FSD2: variants seen among roughly 807,000 people sequenced by gnomAD.
FSD2 encodes fibronectin type III and SPRY domain containing 2, also known as fibronectin type III and SPRY domain-containing protein 2.
A neutral mutation model predicts 80.4 loss-of-function variants in FSD2; 71 were observed. The ratio of observed to expected loss-of-function variants is 0.88; its 90% CI spans 0.73 to 1.08. The LOEUF (loss-of-function observed/expected upper bound fraction) is 1.08. Among genes scored for constraint, FSD2 ranks in the 50% least tolerant of loss-of-function variants. The probability of loss-of-function intolerance (pLI) is 0.00; values close to 1 mark genes in which losing one functional copy is unlikely to be tolerated. For synonymous variants in FSD2, 361 were observed against 329.5 expected (o/e 1.10, Z -1.03); for missense variants, 923 against 913.8 (o/e 1.01, Z -0.13).
intron 3 of FSD2, among the ~76,000 whole-genome samples, chr15:82,786,157 G>A (rs1336493012): frequency 6.6e-6 from 1 of 152,176 alleles, no homozygotes; most frequent in Non-Finnish European, 1.5e-5. Context: ...AGCCAGTGAA[G>A]GAGAGGGATT....
chr15:82,785,381 G>A (rs1391494963), intron 3 of FSD2, among the ~76,000 whole-genome samples: 1 of 152,020 alleles, frequency 6.6e-6, no homozygotes, highest in Admixed American at 6.6e-5. Context: ...TTGGAGTGCA[G>A]TGGTGTGATC....
Position 82,757,456 on chromosome 15 carries a change from C to G in FSD2, c.*1892G>C, listed in dbSNP as rs1315360782. On this transcript the variant is annotated 3_prime_UTR_variant, in exon 13 of 13. Transcript: ENST00000334574. ...ACGCCATTCTCCTGCCTCAGCCTCC[C>G]GAGTAGCTGGGACTACAGGCGCCCG... 1 of 150,776 alleles carries G rather than the reference C, an allele frequency of 6.6e-6. No individual in the cohort carries two copies. Among genetic ancestry groups the G allele is most frequent in the Non-Finnish European group, 1.5e-5 (1 of 67,692 alleles). 9.3% of individuals were successfully genotyped at this position (150,776 alleles called of 1,614,324 possible).
chr15:82,768,260 A>T (rs1596232874), intron 9 of FSD2, among the ~76,000 whole-genome samples: 1 of 152,168 alleles, frequency 6.6e-6, no homozygotes, highest in Non-Finnish European at 1.5e-5. Context: ...TTCCTCCAGC[A>T]GCTCACTCCT....
At chr15:82,796,866 A>C (rs1365781067) in intron 1 of FSD2, among the ~76,000 whole-genome samples, 1 of 152,178 alleles carries the variant, frequency 6.6e-6, no homozygotes, top group East Asian at 1.9e-4. Flanking sequence ...AATCTTTCCC[A>C]GAGCTGCTCT....
rs149986626 is a variant in FSD2 at position 82,798,873 on chromosome 15, G to GTTTTTTT, written c.-79+7092_-79+7093insAAAAAAA. On this transcript the variant is annotated intron_variant, in intron 1 of 12. Coordinates refer to ENST00000334574, the MANE Select transcript of FSD2 (RefSeq NM_001007122.4). ...AAGTTTTCTTTCCACTATCTCCACT[G>GTTTTTTT]TTTTGTTTTTTTTTTTTTTTTTGAG... Among the ~76,000 whole-genome samples, 17 of 111,456 alleles carry GTTTTTTT rather than the reference G, an allele frequency of 1.5e-4. 2 individuals carry two copies. Among genetic ancestry groups the GTTTTTTT allele is most frequent in the African/African-American group, 2.2e-4 (6 of 27,318 alleles). The allele number at this position is 111,456 out of a possible 152,430, so 73.1% of individuals were successfully genotyped here.
At chr15:82,761,313 G>A (rs574878461) in intron 12 of FSD2, among the ~76,000 whole-genome samples, 1 of 152,258 alleles carries the variant, frequency 6.6e-6, no homozygotes, top group African/African-American at 2.4e-5. Context: ...GGCCTTCTAA[G>A]TCTGAAAGTG....
At chr15:82,779,950 A>G (rs1255273430) in intron 5 of FSD2, among the ~76,000 whole-genome samples, 1 of 151,988 alleles carries the variant, frequency 6.6e-6, no homozygotes, top group African/African-American at 2.4e-5. Context: ...TGTTGGGGGT[A>G]CTCCACAGAT....
chr15:82,769,791 G>A lies in FSD2; in HGVS notation c.1361C>T (p.Ala454Val). The change falls in exon 8 of 13, where the codon GCT (alanine) becomes GTT (valine). Residue 454 changes from alanine (A) to valine (V), a missense_variant. Coordinates refer to ENST00000334574, the MANE Select transcript of FSD2 (RefSeq NM_001007122.4). ...YEFWVTAHNRAGPSPSSERAV... is the reference protein window; with the variant it reads ...YEFWVTAHNRVGPSPSSERAV... ...ACGCTCGCTAGAGGGGCTGGGGCCAGCCCTGTTGTGAGCTGTGACCCAAAA... is the reference window on the plus strand; with the variant it reads ...ACGCTCGCTAGAGGGGCTGGGGCCAACCCTGTTGTGAGCTGTGACCCAAAA... 2 of 1,613,990 alleles carry A rather than the reference G, an allele frequency of 1.2e-6. No homozygotes were observed. Among genetic ancestry groups the A allele is most frequent in the South Asian group, 1.1e-5 (1 of 91,076 alleles).
chr15:82,791,278 G>A (rs973848318), intron 1 of FSD2, among the ~76,000 whole-genome samples: 5 of 152,158 alleles, frequency 3.3e-5, no homozygotes, highest in African/African-American at 4.8e-5. Context: ...GATTACAGGC[G>A]TGAGCCACCG....
intron 1 of FSD2, among the ~76,000 whole-genome samples, chr15:82,793,467 C>T (rs2050195553): frequency 6.6e-6 from 1 of 152,142 alleles, no homozygotes; most frequent in African/African-American, 2.4e-5. Flanking sequence ...GTTTCTCACA[C>T]GTTCCACCAA....
In FSD2 at chr15:82,769,122, C is replaced by G. The variant is rs2049496985; in HGVS notation, c.1403-92G>C. ...CATGGACAAACATCACAGCCACCTT[C>G]TTCCTCCCACAAAAGAGATTCAGTG... On this transcript the variant is annotated intron_variant, in intron 8 of 12. Transcript: ENST00000334574. 3 of 1,164,144 alleles carry G rather than the reference C, an allele frequency of 2.6e-6. No individual in the cohort carries two copies. The East Asian group carries it at 9.1e-5, about 35-fold the overall frequency. The allele number at this position is 1,164,144 out of a possible 1,614,324, so 72.1% of individuals were successfully genotyped here. A position where few individuals can be genotyped will look rare whatever the true frequency, so the allele number is the denominator to read the frequency against.
chr15:82,766,348 G>A (rs1039192340), intron 9 of FSD2, among the ~76,000 whole-genome samples: 2 of 152,178 alleles, frequency 1.3e-5, no homozygotes, highest in Admixed American at 6.5e-5. Flanking sequence ...TGTGCATGCA[G>A]TAGAATCCAG....
intron 1 of FSD2, among the ~76,000 whole-genome samples, chr15:82,804,015 G>A (rs1202715294): frequency 1.3e-5 from 2 of 152,120 alleles, no homozygotes. Context: ...CTTAAAGTAA[G>A]TCCTCAGTAA....
chr15:82,783,332 C>G (rs2049917394), intron 3 of FSD2, among the ~76,000 whole-genome samples: 1 of 152,174 alleles, frequency 6.6e-6, no homozygotes. Context: ...CTCCTGACCT[C>G]AAGTGATCCG....
intron 1 of FSD2, among the ~76,000 whole-genome samples, chr15:82,789,194 A>G (rs985392913): frequency 6.6e-6 from 1 of 152,096 alleles, no homozygotes; most frequent in Non-Finnish European, 1.5e-5. Flanking sequence ...GGGGATGTAC[A>G]CTACATAGAA....
intron 1 of FSD2, among the ~76,000 whole-genome samples, chr15:82,800,181 T>C (rs1041012114): frequency 6.6e-6 from 1 of 152,080 alleles, no homozygotes; most frequent in Admixed American, 6.5e-5. Flanking sequence ...GGCCTGGACC[T>C]CCCCCTTCCT....
At position 82,757,939 on chromosome 15, in the gene FSD2, G is replaced by C. The variant is rs2049207284; in HGVS notation, c.*1409C>G. 1.3e-5 allele frequency: 2 copies of C among 152,168 alleles called. No individual in the cohort carries two copies. The highest frequency in any genetic ancestry group is 4.8e-5 in the African/African-American group (2 of 41,384). The allele number at this position is 152,168 out of a possible 1,614,324, so 9.4% of individuals were successfully genotyped here. The stretch of plus-strand genomic sequence containing the variant: ...GTTTGTTTGTTTTTGAGACAGAGTT[G>C]CGCTCTTGTTGCCAAGGCTGGAGTG... On this transcript the variant is annotated 3_prime_UTR_variant, in exon 13 of 13. Transcript: ENST00000334574.
intron 11 of FSD2, among the ~76,000 whole-genome samples, chr15:82,762,964 ACCT>A (rs1387401110): frequency 6.6e-6 from 1 of 152,192 alleles, no homozygotes; most frequent in African/African-American, 2.4e-5. Context: ...ATATATATAG[ACCT>A]CAACATCCCT....
chr15:82,790,797 G>T (rs2050129495), intron 1 of FSD2, among the ~76,000 whole-genome samples: 1 of 147,224 alleles, frequency 6.8e-6, no homozygotes, highest in Non-Finnish European at 1.5e-5. Context: ...GTGTTAGCCA[G>T]GATGGTCTCG....
Sources: gnomAD v4.1 joint callset for allele counts (sites outside exome capture counted in the v4.1 genomes callset) on GRCh38, gnomAD v4.1.1 for gene constraint, MANE v1.5 for transcripts, NCBI Gene and HGNC (gene_info 2026-07-23, HGNC 2026-07-21) for gene names.